CDK15: variants seen among roughly 807,000 people sequenced by gnomAD.
CDK15 encodes cyclin-dependent kinase 15.
A neutral mutation model predicts 60.3 loss-of-function variants in CDK15; 62 were observed. The ratio of observed to expected loss-of-function variants is 1.03; its 90% confidence interval spans 0.84 to 1.27. The LOEUF (loss-of-function observed/expected upper bound fraction) is 1.27, where lower values mean the gene tolerates loss of function less well. Ranked by LOEUF, CDK15 falls within the 50% of genes most tolerant of loss-of-function variation. CDK15 has a pLI of 0.00. For missense variants in CDK15, 541 were observed against 527.8 expected (o/e 1.03, Z -0.25); for synonymous variants, 194 against 195.7 (o/e 0.99, Z 0.07).
intron 5 of CDK15, 42 bp downstream of exon 5, chr2:201,822,945 C>T: frequency 9.1e-7 from 1 of 1,094,612 alleles, no homozygotes; most frequent in East Asian, 2.4e-5. Flanking sequence ...GAAAAATAAC[C>T]TGGTACTTGT....
chr2:201,872,421 G>A lies in CDK15; in HGVS notation c.1058+95G>A, dbSNP rs370770162. 1.5e-4 allele frequency: 199 copies of A among 1,322,354 alleles called. No homozygotes were observed. In the African/African-American group the frequency reaches 2.6e-3, roughly 18 times the overall value. The allele number at this position is 1,322,354 out of a possible 1,614,324, so 81.9% of individuals were successfully genotyped here. On this transcript the variant is annotated intron_variant, in intron 11 of 13. Transcript: ENST00000652192. ...CTCAGTCCACTGAACAGCAGCCCCC[G>A]AGCACTTCCATGTGGGGGCTCTAAG...
intron 3 of CDK15, among the ~76,000 whole-genome samples, chr2:201,812,200 CA>C (rs1219042543): frequency 3.0e-5 from 4 of 135,178 alleles, no homozygotes; most frequent in Admixed American, 1.5e-4. Flanking sequence ...AACAAAAAAA[CA>C]AAAAAACACT....
chr2:201,827,821 C>A (rs1696574862), intron 6 of CDK15, among the ~76,000 whole-genome samples: 1 of 152,102 alleles, frequency 6.6e-6, no homozygotes, highest in South Asian at 2.1e-4. Flanking sequence ...GACAAGTGAC[C>A]GGGAACCTGA....
rs746192131 is a variant in CDK15, at chr2:201,854,936, A to G, written c.1008A>G (p.Pro336=). The G allele has an allele frequency of 1.4e-5, 23 of 1,613,818 alleles. No individual in the cohort carries two copies. Among genetic ancestry groups the G allele is most frequent in the Non-Finnish European group, 1.9e-5 (23 of 1,179,710 alleles). The part of the protein sequence containing the change: ...PGVSKLPNYN[P]EWFPLPTPRS... ...TCTCCAAGCTACCTAACTACAATCC[A>G]GGTAATATTGATCTGAGCTTCTGAA... is the stretch of plus-strand genomic sequence containing the variant. The change falls in exon 10 of 14, where the codon CCA becomes CCG. Residue 336 remains proline (P), a splice_region_variant and synonymous_variant. Transcript: ENST00000652192.
At chr2:201,855,232 A>G (rs539318970) in intron 10 of CDK15, among the ~76,000 whole-genome samples, 35 of 152,216 alleles carry the variant, frequency 2.3e-4, no homozygotes, top group Non-Finnish European at 4.3e-4. Flanking sequence ...GCTCAAAAGA[A>G]CAACTCAAAA....
At chr2:201,888,657 C>G in intron 12 of CDK15, 1 of 1,357,312 alleles carries the variant, frequency 7.4e-7, no homozygotes, top group Non-Finnish European at 9.4e-7. Flanking sequence ...AGTCCACAGC[C>G]AAATTGGAAT....
intron 10 of CDK15, among the ~76,000 whole-genome samples, chr2:201,871,328 G>A (rs905971519): frequency 6.6e-6 from 1 of 151,806 alleles, no homozygotes; most frequent in Non-Finnish European, 1.5e-5. Flanking sequence ...CTCAGTTGTT[G>A]TTGTAGGGAC....
chr2:201,830,298 G>A (rs1696694670), intron 6 of CDK15, among the ~76,000 whole-genome samples: 1 of 152,170 alleles, frequency 6.6e-6, no homozygotes, highest in African/African-American at 2.4e-5. Flanking sequence ...AACAGCCAGA[G>A]GGGCAGAAGA....
intron 10 of CDK15, among the ~76,000 whole-genome samples, chr2:201,868,698 A>C (rs76703192): frequency 2.0e-5 from 3 of 149,170 alleles, no homozygotes; most frequent in Non-Finnish European, 4.4e-5. Flanking sequence ...AAAAAAAAAA[A>C]CCATCAAAAA....
At chr2:201,816,333 A>G (rs1695989508) in intron 4 of CDK15, among the ~76,000 whole-genome samples, 3 of 151,984 alleles carry the variant, frequency 2.0e-5, no homozygotes, top group Non-Finnish European at 4.4e-5. Flanking sequence ...GTGTGTTCCC[A>G]ATACCCCCAG....
At chr2:201,840,594 G>C (rs1367780160) in intron 8 of CDK15, among the ~76,000 whole-genome samples, 1 of 152,136 alleles carries the variant, frequency 6.6e-6, no homozygotes, top group Non-Finnish European at 1.5e-5. Context: ...CCTGCTGGTG[G>C]CAAATTCTTC....
chr2:201,872,341 A>C lies in CDK15; in HGVS notation c.1058+15A>C. The C allele has an allele frequency of 6.2e-7, 1 of 1,612,358 alleles. No homozygotes were observed. The highest frequency in any genetic ancestry group is 1.3e-5 in the African/African-American group (1 of 74,738). On this transcript the variant is annotated intron_variant, in intron 11 of 13. Coordinates refer to ENST00000652192, the MANE Select transcript of CDK15 (RefSeq NM_001366386.2). ...GTCTGGAACAGGTGAGTACTACCTC[A>C]GGAAGGGATCTTTAAGGGATCTTTA...
intron 8 of CDK15, among the ~76,000 whole-genome samples, chr2:201,846,124 T>C (rs1377226642): frequency 6.6e-6 from 1 of 152,060 alleles, no homozygotes; most frequent in Non-Finnish European, 1.5e-5. Flanking sequence ...CATCTAACAA[T>C]ATAAGTCAGC....
At chr2:201,890,715 C>A in intron 12 of CDK15, 70 bp from the exon 13 acceptor site, 1 of 1,237,058 alleles carries the variant, frequency 8.1e-7, no homozygotes, top group Non-Finnish European at 1.1e-6. Context: ...AATATTACAA[C>A]AGACAAAAAT....
intron 8 of CDK15, among the ~76,000 whole-genome samples, chr2:201,840,422 C>G (rs1697327365): frequency 6.6e-6 from 1 of 152,120 alleles, no homozygotes; most frequent in South Asian, 2.1e-4. Context: ...GAATTCTATC[C>G]ACTTTTGCTT....
At chr2:201,865,148 A>G (rs745483903) in intron 10 of CDK15, among the ~76,000 whole-genome samples, 1 of 152,216 alleles carries the variant, frequency 6.6e-6, no homozygotes, top group Non-Finnish European at 1.5e-5. Context: ...TGTATTCTCA[A>G]TGCTGAGCTC....
In CDK15 at chr2:201,893,939, C is replaced by T. The variant is rs924347691; in HGVS notation, c.*672C>T. The T allele has an allele frequency of 3.9e-5, 6 of 152,136 alleles. No individual in the cohort carries two copies. The highest frequency in any genetic ancestry group is 1.4e-4 in the African/African-American group (6 of 41,408). The allele number at this position is 152,136 out of a possible 1,614,324, so 9.4% of individuals were successfully genotyped here. A position where few individuals can be genotyped will look rare whatever the true frequency, so the allele number is the denominator to read the frequency against. On this transcript the variant is annotated 3_prime_UTR_variant, in exon 14 of 14. Coordinates refer to ENST00000652192, the MANE Select transcript of CDK15 (RefSeq NM_001366386.2). ...TTAGAAATGAATTTCAGGCTATCTC[C>T]TCCTACTGAATCTTAATTGTCTGTG...
At chr2:201,880,788 C>A (rs983501479) in intron 12 of CDK15, among the ~76,000 whole-genome samples, 3 of 152,062 alleles carry the variant, frequency 2.0e-5, no homozygotes, top group Non-Finnish European at 2.9e-5. Context: ...TTGGAACTCC[C>A]GTCATGTTTC....
intron 4 of CDK15, among the ~76,000 whole-genome samples, chr2:201,819,757 A>T (rs1448336887): frequency 1.3e-5 from 2 of 152,224 alleles, no homozygotes; most frequent in Admixed American, 6.5e-5. Context: ...GACGTGTACG[A>T]GTGGTTAATC....
Sources: gnomAD v4.1 joint callset for allele counts (sites outside exome capture counted in the v4.1 genomes callset) on GRCh38, gnomAD v4.1.1 for gene constraint, MANE v1.5 for transcripts, NCBI Gene and HGNC (gene_info 2026-07-23, HGNC 2026-07-21) for gene names.